Variants in LMO7 observed in about 807,000 individuals in gnomAD.
LMO7 encodes the protein LIM domain only protein 7.
Under a neutral mutation model 206.5 loss-of-function variants are expected in LMO7, and 120 were observed. The ratio of observed to expected loss-of-function variants is 0.58; its 90% CI spans 0.50 to 0.68. The LOEUF is 0.68. Among genes scored for constraint, LMO7 ranks in the 30% least tolerant of loss-of-function variants. The probability of loss-of-function intolerance (pLI) is 0.00; values close to 1 mark genes in which losing one functional copy is unlikely to be tolerated. For synonymous variants in LMO7, 706 were observed against 681.5 expected (o/e 1.04, Z -0.56); for missense variants, 1,959 against 1,957.9 (o/e 1.00, Z -0.01).
intron 1 of LMO7, among the ~76,000 whole-genome samples, chr13:75,678,829 T>C (rs1306274537): frequency 6.6e-6 from 1 of 152,248 alleles, no homozygotes; most frequent in African/African-American, 2.4e-5. Context: ...TTAAGAGTGA[T>C]CTGTGTTCCT....
At chr13:75,772,128 A>G (rs1182396490) in intron 4 of LMO7, among the ~76,000 whole-genome samples, 1 of 152,168 alleles carries the variant, frequency 6.6e-6, no homozygotes, top group Non-Finnish European at 1.5e-5. Context: ...GATTTATAAT[A>G]AATGAACTTA....
At chr13:75,692,224 C>A (rs940716648) in intron 1 of LMO7, among the ~76,000 whole-genome samples, 3 of 152,098 alleles carry the variant, frequency 2.0e-5, no homozygotes, top group Admixed American at 6.6e-5. Flanking sequence ...CTCAAGTATT[C>A]TTGATCTGTA....
chr13:75,735,896 A>C (rs2045780355), intron 3 of LMO7, among the ~76,000 whole-genome samples: 1 of 152,012 alleles, frequency 6.6e-6, no homozygotes, highest in Non-Finnish European at 1.5e-5. Flanking sequence ...TATTTTTTCA[A>C]ATGGCTTGAA....
chr13:75,742,437 T>A (rs909175207), intron 3 of LMO7, among the ~76,000 whole-genome samples: 2 of 152,080 alleles, frequency 1.3e-5, no homozygotes, highest in Non-Finnish European at 2.9e-5. Context: ...GCAAGAAGAA[T>A]AAAGCTGGAG....
intron 5 of LMO7, 117 bp downstream of exon 5, chr13:75,795,548 C>T: frequency 1.4e-6 from 1 of 709,108 alleles, no homozygotes; most frequent in South Asian, 1.9e-5. Flanking sequence ...TTTTTTGCTA[C>T]AAACCAATCA....
At chr13:75,651,319 T>C (rs2139137430) in intron 1 of LMO7, among the ~76,000 whole-genome samples, 1 of 151,738 alleles carries the variant, frequency 6.6e-6, no homozygotes, top group East Asian at 1.9e-4. Flanking sequence ...CTTTTTTTTT[T>C]TTTTTTCTGA....
At chr13:75,801,961 TC>T (rs1209107725) in intron 7 of LMO7, among the ~76,000 whole-genome samples, 1 of 44,924 alleles carries the variant, frequency 2.2e-5, no homozygotes, top group Non-Finnish European at 4.6e-5. Context: ...CTCTCTCTCC[TC>T]TCTCTCTCTT....
chr13:75,682,504 A>T (rs1405977835), intron 1 of LMO7, among the ~76,000 whole-genome samples: 1 of 152,144 alleles, frequency 6.6e-6, no homozygotes, highest in Non-Finnish European at 1.5e-5. Flanking sequence ...AATTTCCATG[A>T]GTGCCAAGGG....
Position 75,800,833 on chromosome 13 carries a change from G to T in LMO7, c.612G>T (p.Arg204Ser). The change falls in exon 7 of 31, where the codon AGG becomes AGT. Residue 204 changes from arginine to serine, a missense_variant. By Grantham distance (110) the Arg-to-Ser change is moderately radical (BLOSUM62 -1). Coordinates refer to ENST00000377534, the MANE Select transcript of LMO7 (RefSeq NM_001306080.2). ...AAAGCTTGGACTCTTTGGGCTCGAG[G>T]TCATTGACAAGCTGCTCCTCTGATA... ...SFESLDSLGSRSLTSCSSDIT... is the reference protein window; with the variant it reads ...SFESLDSLGSSSLTSCSSDIT... 6.2e-7 allele frequency: 1 copy of T among 1,614,032 alleles called. No homozygotes were observed. The highest frequency in any genetic ancestry group is 1.6e-4 in the Middle Eastern group (1 of 6,062).
In LMO7 at chr13:75,733,332, G is replaced by A. The variant is rs188282915; in HGVS notation, c.210+6234G>A. Among the ~76,000 whole-genome samples, 45 of 152,322 alleles carry A rather than the reference G, an allele frequency of 3.0e-4. No individual in the cohort carries two copies. In the East Asian group the frequency reaches 4.3e-3, roughly 14 times the overall value. ...TACCTAAGCAAGCCTGGGCAATGGC[G>A]GGCGCCCCTCCCCCAGCCTCACTGC... On this transcript the variant is annotated intron_variant, in intron 3 of 30. Coordinates refer to ENST00000377534, the MANE Select transcript of LMO7 (RefSeq NM_001306080.2).
chr13:75,807,544 A>G lies in LMO7; in HGVS notation c.1261A>G (p.Thr421Ala). Residue 421 changes from threonine to alanine, a missense_variant, in exon 10 of 31, where the codon ACC becomes GCC. Physicochemically the swap from Thr to Ala is moderately conservative, Grantham distance 58. Coordinates refer to ENST00000377534, the MANE Select transcript of LMO7 (RefSeq NM_001306080.2). ...SDDILSSETH[T>A]KIDPTSGPRL... ...TGACATCTTGTCTTCTGAAACACAT[A>G]CCAAAATTGATCCCACTTCTGGCCC... The G allele has an allele frequency of 1.9e-6, 3 of 1,613,820 alleles. No individual in the cohort carries two copies. Among genetic ancestry groups the G allele is most frequent in the East Asian group, 2.2e-5 (1 of 44,870 alleles).
rs568135884 is a variant in LMO7, at chr13:75,672,240, A to AT, written c.69+35532dup. 5.0e-3 allele frequency among the ~76,000 whole-genome samples: 654 copies of AT among 131,576 alleles called. 4 individuals are homozygous for AT. The highest frequency in any genetic ancestry group is 0.022 in the South Asian group (89 of 4,082). The allele number at this position is 131,576 out of a possible 152,430, so 86.3% of individuals were successfully genotyped here. The stretch of plus-strand genomic sequence containing the variant: ...CCATAAAGTGCTTTGTTAAAAAAAG[A>AT]TTTTTTTTTTTTTTTTTTGAGATGG... On this transcript the variant is annotated intron_variant, in intron 1 of 30. Coordinates refer to ENST00000377534, the MANE Select transcript of LMO7 (RefSeq NM_001306080.2).
chr13:75,780,608 G>A (rs1200703073), intron 4 of LMO7, among the ~76,000 whole-genome samples: 1 of 152,098 alleles, frequency 6.6e-6, no homozygotes, highest in Non-Finnish European at 1.5e-5. Flanking sequence ...AGGATCAAGA[G>A]GCGACATACA....
chr13:75,686,472 G>T (rs1402694359), intron 1 of LMO7, among the ~76,000 whole-genome samples: 4 of 151,230 alleles, frequency 2.6e-5, no homozygotes, highest in African/African-American at 9.7e-5. Context: ...ATTTGGGTGG[G>T]GATACAGCCA....
intron 15 of LMO7, among the ~76,000 whole-genome samples, chr13:75,826,888 G>A (rs1360692078): frequency 6.6e-6 from 1 of 152,058 alleles, no homozygotes; most frequent in African/African-American, 2.4e-5. Context: ...ACCACTGCTT[G>A]CTTTTTCTTG....
At chr13:75,691,835 C>G (rs577821125) in intron 1 of LMO7, among the ~76,000 whole-genome samples, 1 of 152,248 alleles carries the variant, frequency 6.6e-6, no homozygotes, top group South Asian at 2.1e-4. Context: ...TCAGTGAAGA[C>G]TGCGCCCAGC....
chr13:75,729,027 T>C (rs1354426115), intron 3 of LMO7, among the ~76,000 whole-genome samples: 1 of 152,226 alleles, frequency 6.6e-6, no homozygotes, highest in Non-Finnish European at 1.5e-5. Flanking sequence ...TGAGTTACTA[T>C]AGCCTTGTAG....
At chr13:75,716,857 A>G (rs921503158) in intron 2 of LMO7, among the ~76,000 whole-genome samples, 1 of 151,298 alleles carries the variant, frequency 6.6e-6, no homozygotes, top group African/African-American at 2.4e-5. Context: ...TACTCATCTT[A>G]TGATGACAAT....
intron 27 of LMO7, 94 bp downstream of exon 27, chr13:75,849,386 AG>A (rs2060286674): frequency 1.3e-5 from 12 of 944,134 alleles, no homozygotes; most frequent in Non-Finnish European, 1.7e-5. Context: ...AAGAGATGAA[AG>A]GAACATAGAG....
Sources: gnomAD v4.1 joint callset for allele counts (sites outside exome capture counted in the v4.1 genomes callset) on GRCh38, gnomAD v4.1.1 for gene constraint, MANE v1.5 for transcripts, NCBI Gene and HGNC (gene_info 2026-07-23, HGNC 2026-07-21) for gene names.